ELMO1: variants seen among roughly 807,000 people sequenced by gnomAD.
ELMO1 encodes the protein engulfment and cell motility 1, also known as engulfment and cell motility protein 1.
Under a neutral mutation model 98.9 loss-of-function variants are expected in ELMO1, and 26 were observed. That is an observed-to-expected ratio of 0.26 (90% CI 0.19 to 0.36). The LOEUF (loss-of-function observed/expected upper bound fraction) is 0.36, where lower values mean the gene tolerates loss of function less well. Ranked by LOEUF, ELMO1 falls within the 10% of genes least tolerant of loss-of-function variation. ELMO1 has a pLI of 1.00. For synonymous variants in ELMO1, 346 were observed against 346.0 expected, an observed-to-expected ratio of 1.00 and a Z score of 0.00; for missense variants, 627 against 935.2, an observed-to-expected ratio of 0.67 and a Z score of 4.30.
At chr7:37,437,484 C>A (rs1562691939) in intron 1 of ELMO1, among the ~76,000 whole-genome samples, 1 of 152,134 alleles carries the variant, frequency 6.6e-6, no homozygotes, top group South Asian at 2.1e-4. Context: ...TGGTACTTCT[C>A]CTGTACTGGT....
chr7:37,396,064 G>A (rs1160586073), intron 1 of ELMO1, among the ~76,000 whole-genome samples: 1 of 151,762 alleles, frequency 6.6e-6, no homozygotes, highest in Non-Finnish European at 1.5e-5. Context: ...AATAATGTGG[G>A]TTTTCATGGT....
intron 13 of ELMO1, among the ~76,000 whole-genome samples, chr7:37,196,625 T>C (rs188984608): frequency 3.3e-5 from 5 of 152,260 alleles, no homozygotes; most frequent in African/African-American, 1.2e-4. Context: ...AAATAAAGCT[T>C]CACTAAGATC....
chr7:37,070,905 G>A (rs1039697488), intron 15 of ELMO1, among the ~76,000 whole-genome samples: 9 of 152,188 alleles, frequency 5.9e-5, no homozygotes, highest in African/African-American at 2.2e-4. Flanking sequence ...CATCCTAACA[G>A]TTAACTCAAT....
At chr7:37,200,658 T>C (rs929354459) in intron 13 of ELMO1, among the ~76,000 whole-genome samples, 6 of 152,134 alleles carry the variant, frequency 3.9e-5, no homozygotes, top group Middle Eastern at 3.2e-3. Context: ...CTTTCGCTTC[T>C]CTTCCCTTTT....
At chr7:36,884,432 C>T (rs565870027) in intron 18 of ELMO1, among the ~76,000 whole-genome samples, 1 of 152,208 alleles carries the variant, frequency 6.6e-6, no homozygotes, top group East Asian at 1.9e-4. Flanking sequence ...TATAATTTTA[C>T]TTACCCCTTA....
At chr7:37,110,116 T>A (rs1199578379) in intron 14 of ELMO1, among the ~76,000 whole-genome samples, 1 of 152,226 alleles carries the variant, frequency 6.6e-6, no homozygotes, top group African/African-American at 2.4e-5. Context: ...GCCTCCGTGA[T>A]AAACAGCCTC....
At chr7:36,931,727 T>G (rs1164030681) in intron 16 of ELMO1, among the ~76,000 whole-genome samples, 2 of 152,178 alleles carry the variant, frequency 1.3e-5, no homozygotes, top group African/African-American at 4.8e-5. Flanking sequence ...CATGGTGGAG[T>G]GCATGTCCTG....
At chr7:37,382,806 A>G (rs1802633880) in intron 1 of ELMO1, among the ~76,000 whole-genome samples, 1 of 151,850 alleles carries the variant, frequency 6.6e-6, no homozygotes, top group Admixed American at 6.6e-5. Flanking sequence ...CCACAGAGAT[A>G]CTCATCACTG....
intron 4 of ELMO1, among the ~76,000 whole-genome samples, chr7:37,303,749 A>C (rs1229265447): frequency 2.0e-5 from 3 of 152,160 alleles, no homozygotes; most frequent in African/African-American, 7.2e-5. Context: ...CAGTCAATCT[A>C]TTCATTAGTT....
intron 1 of ELMO1, among the ~76,000 whole-genome samples, chr7:37,408,194 G>A (rs1803852778): frequency 6.6e-6 from 1 of 152,136 alleles, no homozygotes; most frequent in Admixed American, 6.5e-5. Flanking sequence ...TTGTGAAACT[G>A]CTCTGAAAGC....
chr7:37,404,505 G>C (rs1347548823), intron 1 of ELMO1, among the ~76,000 whole-genome samples: 1 of 152,158 alleles, frequency 6.6e-6, no homozygotes, highest in Admixed American at 6.5e-5. Context: ...GTATCCTTTA[G>C]ATGCTTCTCC....
At position 37,136,537 on chromosome 7, in the gene ELMO1, C is replaced by T. The variant is rs184856554; in HGVS notation, c.1087-3303G>A. On this transcript the variant is annotated intron_variant, in intron 13 of 21. Transcript: ENST00000310758. The stretch of plus-strand genomic sequence containing the variant: ...TAACAGCAGATTTCTCAGCAGAAAA[C>T]TTACAAGCTAGAAGGGACTGAGGTC... Among the ~76,000 whole-genome samples the T allele has an allele frequency of 9.5e-4, 144 of 152,282 alleles. 1 individual carries two copies. Among genetic ancestry groups the T allele is most frequent in the African/African-American group, 3.3e-3 (137 of 41,550 alleles).
In ELMO1 at chr7:36,857,722, A is replaced by G. The variant is rs574252726; in HGVS notation, c.1984-1971T>C. Among the ~76,000 whole-genome samples, 3 of 152,328 alleles carry G rather than the reference A, an allele frequency of 2.0e-5. No individual in the cohort carries two copies. In the South Asian group the frequency reaches 6.2e-4, roughly 32 times the overall value. On this transcript the variant is annotated intron_variant, in intron 21 of 21. Transcript: ENST00000310758. ...GAAAACCACCTAGCTCTGTCCCCAA[A>G]AAGGGCTAAAAAATAATGACCAACC...
chr7:37,154,643 T>G (rs568334966), intron 13 of ELMO1, among the ~76,000 whole-genome samples: 1 of 152,232 alleles, frequency 6.6e-6, no homozygotes, highest in East Asian at 1.9e-4. Flanking sequence ...TAACAAAGCC[T>G]CTAAGAAATA....
intron 1 of ELMO1, among the ~76,000 whole-genome samples, chr7:37,343,984 T>C (rs1800855839): frequency 6.6e-6 from 1 of 151,248 alleles, no homozygotes; most frequent in African/African-American, 2.4e-5. Context: ...AGAAGGCAAA[T>C]ACAAAAATAC....
intron 13 of ELMO1, among the ~76,000 whole-genome samples, chr7:37,197,443 T>C (rs1792031857): frequency 6.6e-6 from 1 of 152,232 alleles, no homozygotes; most frequent in African/African-American, 2.4e-5. Flanking sequence ...TGTCCGAGTC[T>C]GGACGTCGTG....
In ELMO1 at chr7:37,172,072, T is replaced by C. The variant is rs180748351; in HGVS notation, c.1087-38838A>G. ...ATACAAGCTGGACAATAATAGAAGC[T>C]AGGAGTTATCAGAGCCTCCAATGAC... On this transcript the variant is annotated intron_variant, in intron 13 of 21. Coordinates refer to ENST00000310758, the MANE Select transcript of ELMO1 (RefSeq NM_014800.11). 6.6e-3 allele frequency among the ~76,000 whole-genome samples: 1,008 copies of C among 152,348 alleles called. 6 individuals are homozygous for C. The highest frequency in any genetic ancestry group is 0.011 in the Non-Finnish European group (715 of 68,024).
At chr7:37,080,390 T>C (rs1797800486) in intron 15 of ELMO1, among the ~76,000 whole-genome samples, 1 of 151,826 alleles carries the variant, frequency 6.6e-6, no homozygotes. Flanking sequence ...CCAAATTGGT[T>C]ACAAGGGCCT....
chr7:36,993,097 G>T (rs539801590), intron 16 of ELMO1, among the ~76,000 whole-genome samples: 1 of 152,264 alleles, frequency 6.6e-6, no homozygotes, highest in South Asian at 2.1e-4. Context: ...GGAAGAAGAA[G>T]AAGAAACTAG....
Sources: allele counts gnomAD v4.1 joint callset (sites outside exome capture counted in the v4.1 genomes callset), GRCh38; gene constraint gnomAD v4.1.1; transcripts MANE v1.5; gene names NCBI Gene and HGNC (gene_info 2026-07-23, HGNC 2026-07-21).